The following MAN1C1 variants were observed in gnomAD, a reference collection of about 807,000 sequenced individuals.
The protein encoded by MAN1C1 is mannosidase alpha class 1C member 1.
Under a neutral mutation model 71.5 loss-of-function variants are expected in MAN1C1, and 49 were observed. That is an observed-to-expected ratio of 0.69 (90% CI 0.54 to 0.87). The LOEUF (loss-of-function observed/expected upper bound fraction) is 0.87, where lower values mean the gene tolerates loss of function less well. Ranked by LOEUF, MAN1C1 falls within the 40% of genes least tolerant of loss-of-function variation. The pLI is 0.00. For synonymous variants in MAN1C1, 352 were observed against 343.7 expected, an observed-to-expected ratio of 1.02 and a Z score of -0.27; for missense variants, 743 against 835.0, an observed-to-expected ratio of 0.89 and a Z score of 1.36.
intron 1 of MAN1C1, among the ~76,000 whole-genome samples, chr1:25,647,755 G>C (rs771752049): frequency 6.6e-6 from 1 of 152,194 alleles, no homozygotes; most frequent in South Asian, 2.1e-4. Flanking sequence ...GGGGAAGAGC[G>C]ATGGGGGAAT....
At chr1:25,691,798 T>C (rs972782436) in intron 2 of MAN1C1, among the ~76,000 whole-genome samples, 3 of 152,230 alleles carry the variant, frequency 2.0e-5, no homozygotes. Context: ...CAGCTTACAC[T>C]GGAACTTTTA....
intron 2 of MAN1C1, among the ~76,000 whole-genome samples, chr1:25,688,290 TC>T (rs1021599664): frequency 4.6e-5 from 7 of 152,152 alleles, no homozygotes; most frequent in Non-Finnish European, 4.4e-5. Flanking sequence ...ACACAGAACT[TC>T]CCCACATAAC....
chr1:25,657,299 G>A (rs77917820), intron 1 of MAN1C1, among the ~76,000 whole-genome samples: 7,580 of 152,230 alleles, frequency 0.05, 628 homozygotes, highest in African/African-American at 0.17. Context: ...CCTTCCCCAC[G>A]CCTTTCTCAG....
In MAN1C1 at chr1:25,764,573, T is replaced by C. The variant is rs1350933955; in HGVS notation, c.1141+606T>C. Among the ~76,000 whole-genome samples the C allele has an allele frequency of 2.6e-5, 4 of 152,000 alleles. No individual in the cohort carries two copies. Among genetic ancestry groups the C allele is most frequent in the African/African-American group, 9.7e-5 (4 of 41,390 alleles). On this transcript the variant is annotated intron_variant, in intron 7 of 11. Transcript: ENST00000374332. This position sits in a 1 kb window ranked among gnomAD's most constrained non-coding sequence, Gnocchi z 4.4. ...GACTACAAGCATGTGCCACCATGTCTGGCTACTTTTTTTGTATTTTTAGTA... is the reference window on the plus strand; with the variant it reads ...GACTACAAGCATGTGCCACCATGTCCGGCTACTTTTTTTGTATTTTTAGTA...
At chr1:25,682,051 AT>A in intron 1 of MAN1C1, among the ~76,000 whole-genome samples, 1 of 152,160 alleles carries the variant, frequency 6.6e-6, no homozygotes, top group East Asian at 1.9e-4. Context: ...GTGTACAAAA[AT>A]GGAGAATCGG....
At position 25,711,361 on chromosome 1, in the gene MAN1C1, T is replaced by A. The variant is rs1056289187; in HGVS notation, c.637+24825T>A. Among the ~76,000 whole-genome samples, 8 of 152,182 alleles carry A rather than the reference T, an allele frequency of 5.3e-5. No individual in the cohort carries two copies. Among genetic ancestry groups the A allele is most frequent in the African/African-American group, 1.7e-4 (7 of 41,442 alleles). On this transcript the variant is annotated intron_variant, in intron 2 of 11. Coordinates refer to ENST00000374332, the MANE Select transcript of MAN1C1 (RefSeq NM_020379.4). This position sits in a 1 kb window ranked among gnomAD's most constrained non-coding sequence, Gnocchi z 4.3. ...AGAAGTAGGACACCAGGAACATTTT[T>A]GCCTTCTATCACACCAGACTCCTTC...
At chr1:25,780,723 T>C (rs148650241) in intron 9 of MAN1C1, 119 of 521,706 alleles carry the variant, frequency 2.3e-4, no homozygotes, top group Non-Finnish European at 3.8e-4. Context: ...ACATTTCCAG[T>C]CCCCGAGGGT....
chr1:25,716,551 T>C (rs1231992000), intron 2 of MAN1C1, among the ~76,000 whole-genome samples: 1 of 152,178 alleles, frequency 6.6e-6, no homozygotes, highest in Non-Finnish European at 1.5e-5. Context: ...GTTCTCGAAT[T>C]CCTAAGCTTG....
chr1:25,676,432 A>C (rs934126151), intron 1 of MAN1C1, among the ~76,000 whole-genome samples: 2 of 152,158 alleles, frequency 1.3e-5, no homozygotes, highest in Non-Finnish European at 2.9e-5. Flanking sequence ...TGGGGTCACC[A>C]ACCAGGTCAT....
At chr1:25,679,342 C>A (rs949715860) in intron 1 of MAN1C1, among the ~76,000 whole-genome samples, 2 of 152,154 alleles carry the variant, frequency 1.3e-5, no homozygotes, top group African/African-American at 2.4e-5. Context: ...GTTCACCAGA[C>A]TTCTTCCTTC....
At chr1:25,766,021 C>T (rs539881347) in intron 7 of MAN1C1, among the ~76,000 whole-genome samples, 2 of 152,134 alleles carry the variant, frequency 1.3e-5, no homozygotes, top group Non-Finnish European at 2.9e-5. Context: ...AGGAGATAAA[C>T]CCCTCTGAGC....
At chr1:25,657,200 C>T (rs1557751903) in intron 1 of MAN1C1, among the ~76,000 whole-genome samples, 1 of 152,222 alleles carries the variant, frequency 6.6e-6, no homozygotes, top group Admixed American at 6.5e-5. Flanking sequence ...GAGCCTGCCA[C>T]AGCCATGCTT....
intron 2 of MAN1C1, among the ~76,000 whole-genome samples, chr1:25,688,677 G>C (rs532397465): frequency 1.3e-5 from 2 of 152,184 alleles, no homozygotes; most frequent in Non-Finnish European, 2.9e-5. Flanking sequence ...TGACCTGGGC[G>C]CAAGTCCTCA....
intron 1 of MAN1C1, among the ~76,000 whole-genome samples, chr1:25,679,623 G>A (rs971374371): frequency 5.4e-5 from 8 of 149,250 alleles, no homozygotes; most frequent in South Asian, 2.1e-4. Context: ...AGGATCTTAC[G>A]TTTACCTTCA....
At chr1:25,660,966 C>T (rs1248763613) in intron 1 of MAN1C1, among the ~76,000 whole-genome samples, 2 of 152,232 alleles carry the variant, frequency 1.3e-5, no homozygotes, top group African/African-American at 4.8e-5. Context: ...GCTGGCATTA[C>T]AGGTGTGAGC....
chr1:25,681,968 A>G (rs1309785813), intron 1 of MAN1C1, among the ~76,000 whole-genome samples: 1 of 151,974 alleles, frequency 6.6e-6, no homozygotes, highest in East Asian at 1.9e-4. Context: ...AAAAAAAAGC[A>G]ATTTATTTTT....
intron 4 of MAN1C1, among the ~76,000 whole-genome samples, chr1:25,749,648 T>G (rs1170654501): frequency 6.6e-6 from 1 of 152,220 alleles, no homozygotes; most frequent in Non-Finnish European, 1.5e-5. Context: ...GATCCCTCCA[T>G]TCTGCTGCCC....
rs374612675 is a variant in MAN1C1 at position 25,735,301 on chromosome 1, C to A, written c.638-11367C>A. On this transcript the variant is annotated intron_variant, in intron 2 of 11. Coordinates refer to ENST00000374332, the MANE Select transcript of MAN1C1 (RefSeq NM_020379.4). The surrounding 1 kb of genome is among the most constrained non-coding windows in gnomAD (Gnocchi z 4.6). ...GGCATGCTGACGCATGCCTGTAATCCCAGCTACTTGGGAGGCTGAGGCAAT... is the reference window on the plus strand; with the variant it reads ...GGCATGCTGACGCATGCCTGTAATCACAGCTACTTGGGAGGCTGAGGCAAT... Among the ~76,000 whole-genome samples the A allele has an allele frequency of 1.3e-4, 20 of 152,246 alleles. No homozygotes were observed. In the East Asian group the frequency reaches 3.9e-3, roughly 29 times the overall value.
At chr1:25,773,399 T>C (rs1009381637) in intron 8 of MAN1C1, among the ~76,000 whole-genome samples, 1 of 152,234 alleles carries the variant, frequency 6.6e-6, no homozygotes, top group East Asian at 1.9e-4. Flanking sequence ...GCTAGAGCCA[T>C]GGACCCTTTA....
Sources: gnomAD v4.1 joint callset for allele counts (sites outside exome capture counted in the v4.1 genomes callset) on GRCh38, gnomAD v4.1.1 for gene constraint, Gnocchi (gnomAD v3.1) non-coding constraint, MANE v1.5 for transcripts, NCBI Gene and HGNC (gene_info 2026-07-23, HGNC 2026-07-21) for gene names.